PLCG2: variants seen among roughly 807,000 people sequenced by gnomAD.
PLCG2 encodes 1-phosphatidylinositol 4,5-bisphosphate phosphodiesterase gamma-2.
A neutral mutation model predicts 175.6 loss-of-function variants in PLCG2; 69 were observed. The ratio of observed to expected loss-of-function variants is 0.39; its 90% CI spans 0.32 to 0.48. The LOEUF (loss-of-function observed/expected upper bound fraction) is 0.48, where lower values mean the gene tolerates loss of function less well. PLCG2 is among the 20% of genes least tolerant of loss of function. The probability of loss-of-function intolerance (pLI) is 0.91; values close to 1 mark genes in which losing one functional copy is unlikely to be tolerated. For missense variants in PLCG2, 1,798 were observed against 1,650.9 expected, an observed-to-expected ratio of 1.09 and a Z score of -1.54; for synonymous variants, 827 against 624.0, an observed-to-expected ratio of 1.33 and a Z score of -4.85.
chr16:81,782,991 G>A (rs1728389370), intron 1 of PLCG2: 3 of 397,948 alleles, frequency 7.5e-6, no homozygotes, highest in Non-Finnish European at 1.5e-5. Context: ...ATGGAAGTCT[G>A]GTGTTTATGG....
At chr16:81,813,263 G>T (rs1407372521) in intron 2 of PLCG2, among the ~76,000 whole-genome samples, 1 of 152,212 alleles carries the variant, frequency 6.6e-6, no homozygotes, top group Non-Finnish European at 1.5e-5. Flanking sequence ...ACTTTGGGCA[G>T]TATGGCCATT....
At chr16:81,847,330 C>A (rs188417133) in intron 2 of PLCG2, among the ~76,000 whole-genome samples, 1 of 152,208 alleles carries the variant, frequency 6.6e-6, no homozygotes, top group African/African-American at 2.4e-5. Context: ...GCCCTGTCAT[C>A]CTGGGTTTTT....
intron 2 of PLCG2, among the ~76,000 whole-genome samples, chr16:81,818,430 C>T (rs1315457078): frequency 6.6e-6 from 1 of 152,162 alleles, no homozygotes; most frequent in Non-Finnish European, 1.5e-5. Context: ...GTTCCTGTGT[C>T]ATGCATGATG....
intron 17 of PLCG2, among the ~76,000 whole-genome samples, chr16:81,908,999 G>C (rs1909501455): frequency 6.6e-6 from 1 of 152,168 alleles, no homozygotes; most frequent in African/African-American, 2.4e-5. Flanking sequence ...CATAAAACGA[G>C]GACTCTAGGG....
intron 2 of PLCG2, among the ~76,000 whole-genome samples, chr16:81,817,827 A>G (rs1211232422): frequency 2.6e-5 from 4 of 152,170 alleles, no homozygotes; most frequent in Admixed American, 6.5e-5. Flanking sequence ...AAGTTATTAC[A>G]TGTCAGGCCC....
chr16:81,787,851 C>T (rs58444993), intron 2 of PLCG2, among the ~76,000 whole-genome samples: 4,730 of 152,124 alleles, frequency 0.031, 234 homozygotes, highest in African/African-American at 0.11. Context: ...TGACTGGCTT[C>T]TTTGACTCAG....
intron 2 of PLCG2, among the ~76,000 whole-genome samples, chr16:81,806,225 C>A (rs546163257): frequency 8.3e-4 from 126 of 151,952 alleles, no homozygotes; most frequent in Admixed American, 1.8e-3. Flanking sequence ...TAGCACAGAT[C>A]TAGATTATAC....
intron 2 of PLCG2, among the ~76,000 whole-genome samples, chr16:81,853,200 A>T (rs1023366784): frequency 3.3e-5 from 5 of 152,132 alleles, no homozygotes; most frequent in Admixed American, 2.6e-4. Context: ...GCATGGTGGC[A>T]CATGCCTGTA....
chr16:81,790,834 T>G (rs1911199313), intron 2 of PLCG2, among the ~76,000 whole-genome samples: 1 of 152,042 alleles, frequency 6.6e-6, no homozygotes, highest in African/African-American at 2.4e-5. Flanking sequence ...TTTTCTCACC[T>G]GGGATACAGG....
upstream of PLCG2, among the ~76,000 whole-genome samples, chr16:81,778,016 C>CAAAACAAAAAA (rs1910484333): frequency 2.0e-5 from 1 of 49,080 alleles, no homozygotes; most frequent in Non-Finnish European, 3.5e-5. Flanking sequence ...GACTTTGTCT[C>CAAAACAAAAAA]AAAAAAAAAA....
chr16:81,912,783 A>G (rs992505731), intron 19 of PLCG2, 67 bp downstream of exon 19: 29 of 1,491,370 alleles, frequency 1.9e-5, no homozygotes, highest in Non-Finnish European at 2.4e-5. Context: ...CGGAGAGACA[A>G]GGGGGAACTT....
intron 2 of PLCG2, among the ~76,000 whole-genome samples, chr16:81,812,658 C>A (rs933926426): frequency 2.0e-5 from 3 of 152,130 alleles, no homozygotes; most frequent in Admixed American, 6.6e-5. Context: ...ATGATAGTTT[C>A]TTTTGCTGTG....
rs759496244 is a variant in PLCG2 at position 81,910,638 on chromosome 16, C to T, written c.1852C>T (p.Arg618Cys). 1.5e-5 allele frequency: 25 copies of T among 1,613,886 alleles called. No homozygotes were observed. The East Asian group carries it at 1.6e-4, about 10-fold the overall frequency. Residue 618 changes from arginine to cysteine, a missense_variant, in exon 18 of 33, where the codon CGC (arginine) becomes TGC (cysteine). Transcript: ENST00000564138. ...SSIYALIQHYRETHLRCAEFE... is the reference protein window; with the variant it reads ...SSIYALIQHYCETHLRCAEFE... ...CATCTATGCCCTCATCCAGCACTAC[C>T]GCGAGACGCACCTGCGCTGCGCCGA...
chr16:81,854,321 A>G (rs1181073938), intron 2 of PLCG2, 123 bp from the exon 3 acceptor site: 4 of 845,560 alleles, frequency 4.7e-6, no homozygotes, highest in Non-Finnish European at 7.8e-6. Flanking sequence ...ACGCAGAGAT[A>G]GCTTTGCGGG....
chr16:81,836,881 G>A (rs1339858512), intron 2 of PLCG2, among the ~76,000 whole-genome samples: 3 of 152,186 alleles, frequency 2.0e-5, no homozygotes, highest in South Asian at 2.1e-4. Context: ...CCTTACATGA[G>A]TGCACAGGTG....
intron 2 of PLCG2, among the ~76,000 whole-genome samples, chr16:81,805,825 A>C (rs1457214419): frequency 7.8e-6 from 1 of 128,000 alleles, no homozygotes; most frequent in Non-Finnish European, 1.6e-5. Context: ...TGTTTTTTAA[A>C]TAGAGATGGG....
intron 31 of PLCG2, among the ~76,000 whole-genome samples, chr16:81,951,804 C>T (rs1656529621): frequency 6.6e-6 from 1 of 152,092 alleles, no homozygotes; most frequent in Admixed American, 6.5e-5. Context: ...ATGAAAAAAG[C>T]ATAAACTAGT....
chr16:81,936,140 G>A (rs367671782), intron 26 of PLCG2, 29 bp from the exon 27 acceptor site: 2 of 1,612,078 alleles, frequency 1.2e-6, no homozygotes, highest in Non-Finnish European at 1.7e-6. Context: ...AGACACAGAA[G>A]TACTGATGAC....
chr16:81,904,963 C>T (rs1421643391), intron 14 of PLCG2, among the ~76,000 whole-genome samples: 2 of 152,228 alleles, frequency 1.3e-5, no homozygotes, highest in Non-Finnish European at 1.5e-5. Flanking sequence ...TCTCAGCTCA[C>T]TGCAACCTCC....
Sources: allele counts gnomAD v4.1 joint callset (sites outside exome capture counted in the v4.1 genomes callset), GRCh38; gene constraint gnomAD v4.1.1; transcripts MANE v1.5; gene names NCBI Gene and HGNC (gene_info 2026-07-23, HGNC 2026-07-21).